Variants in SMG7 observed in about 807,000 individuals in gnomAD.
SMG7 encodes SMG7 nonsense mediated mRNA decay factor.
In SMG7, 34 loss-of-function variants were observed where a neutral mutation model predicts 148.2. That is an observed-to-expected ratio of 0.23 (90% CI 0.17 to 0.31). The LOEUF is 0.31. Ranked by LOEUF, SMG7 falls within the 10% of genes least tolerant of loss-of-function variation. The pLI, the probability that SMG7 is intolerant of heterozygous loss-of-function variation, is 1.00. For synonymous variants in SMG7, 492 were observed against 515.1 expected (o/e 0.96, Z 0.61); for missense variants, 1,114 against 1,408.4 (o/e 0.79, Z 3.35).
intron 1 of SMG7, among the ~76,000 whole-genome samples, chr1:183,484,906 A>G (rs1655053926): frequency 6.6e-6 from 1 of 152,134 alleles, no homozygotes; most frequent in African/African-American, 2.4e-5. Flanking sequence ...GTAATCTGGC[A>G]TACACTGACA....
chr1:183,515,605 CTTTT>C (rs35057958), intron 2 of SMG7, among the ~76,000 whole-genome samples: 1 of 123,220 alleles, frequency 8.1e-6, no homozygotes, highest in Non-Finnish European at 1.8e-5. Context: ...GCAAACCATT[CTTTT>C]TTTTTTTTTT....
At chr1:183,516,050 T>C (rs1436577062) in intron 3 of SMG7, 59 bp downstream of exon 3, 2 of 1,030,500 alleles carry the variant, frequency 1.9e-6, no homozygotes, top group Non-Finnish European at 3.0e-6. Flanking sequence ...ACCGAGACTT[T>C]AAAACAGTTT....
At chr1:183,520,954 G>A (rs1005981865) in intron 4 of SMG7, among the ~76,000 whole-genome samples, 13 of 151,860 alleles carry the variant, frequency 8.6e-5, no homozygotes, top group African/African-American at 2.2e-4. Flanking sequence ...GATTCTCCCC[G>A]ACTGCATTCC....
intron 1 of SMG7, among the ~76,000 whole-genome samples, chr1:183,493,528 A>G (rs1657590862): frequency 6.6e-6 from 1 of 152,196 alleles, no homozygotes; most frequent in Admixed American, 6.5e-5. Context: ...TCTAAATGCC[A>G]GTGGGATCTG....
At chr1:183,500,560 T>C (rs1659499072) in intron 1 of SMG7, among the ~76,000 whole-genome samples, 1 of 152,178 alleles carries the variant, frequency 6.6e-6, no homozygotes, top group South Asian at 2.1e-4. Context: ...TATGCGTAAT[T>C]GAATAGGACA....
chr1:183,510,542 A>G (rs975183046), intron 1 of SMG7, among the ~76,000 whole-genome samples: 1 of 152,084 alleles, frequency 6.6e-6, no homozygotes, highest in African/African-American at 2.4e-5. Flanking sequence ...TTATGTTGCT[A>G]GTTCTTATAG....
intron 4 of SMG7, among the ~76,000 whole-genome samples, chr1:183,523,353 T>C (rs1400872192): frequency 6.6e-6 from 1 of 152,184 alleles, no homozygotes; most frequent in Non-Finnish European, 1.5e-5. Context: ...ACCTCTGTGG[T>C]GCTTAGCTTT....
At chr1:183,535,978 T>C (rs1667704667) in intron 10 of SMG7, among the ~76,000 whole-genome samples, 1 of 152,112 alleles carries the variant, frequency 6.6e-6, no homozygotes, top group South Asian at 2.1e-4. Context: ...TGTATATATT[T>C]GTTGATATTT....
chr1:183,506,515 A>G (rs760114263), intron 1 of SMG7, among the ~76,000 whole-genome samples: 4 of 152,134 alleles, frequency 2.6e-5, no homozygotes, highest in Admixed American at 6.5e-5. Flanking sequence ...TGTCTGGCCA[A>G]TTATTCAGCA....
At chr1:183,519,132 G>T (rs921345728) in intron 4 of SMG7, among the ~76,000 whole-genome samples, 11 of 152,148 alleles carry the variant, frequency 7.2e-5, no homozygotes, top group African/African-American at 2.7e-4. Flanking sequence ...GTTTGAGGCT[G>T]CAGTGAACCG....
chr1:183,532,642 T>TG (rs1456576889), intron 8 of SMG7, among the ~76,000 whole-genome samples: 1 of 152,218 alleles, frequency 6.6e-6, no homozygotes, highest in Non-Finnish European at 1.5e-5. Flanking sequence ...AATATGTACT[T>TG]GCTATGCCTT....
chr1:183,544,526 T>A (rs776225966), intron 15 of SMG7, 29 bp downstream of exon 15: 1 of 1,606,334 alleles, frequency 6.2e-7, no homozygotes, highest in Non-Finnish European at 8.5e-7. Flanking sequence ...TTCTTCTACT[T>A]AATCTTTTCT....
Position 183,472,617 on chromosome 1 carries a change from G to A in SMG7, c.-4G>A, listed in dbSNP as rs1250275075. Reference sequence around the variant, plus strand: ...GCGGGAAGACGCGGCGGCGGCGGCGGAGGATGAGCCTGCAGAGCGCGCAGT... The same window carrying A: ...GCGGGAAGACGCGGCGGCGGCGGCGAAGGATGAGCCTGCAGAGCGCGCAGT... On this transcript the variant is annotated 5_prime_UTR_variant, in exon 1 of 23. Transcript: ENST00000688051. 1.4e-6 allele frequency: 2 copies of A among 1,451,300 alleles called. No individual in the cohort carries two copies. Among genetic ancestry groups the A allele is most frequent in the Admixed American group, 2.3e-5 (1 of 43,834 alleles). The allele number at this position is 1,451,300 out of a possible 1,614,324, so 89.9% of individuals were successfully genotyped here.
chr1:183,548,058 T>C (rs929484124), intron 18 of SMG7, among the ~76,000 whole-genome samples: 1 of 152,156 alleles, frequency 6.6e-6, no homozygotes, highest in Non-Finnish European at 1.5e-5. Flanking sequence ...TGTTTCTTTC[T>C]CATAAACACA....
intron 1 of SMG7, among the ~76,000 whole-genome samples, chr1:183,491,696 TTATC>T (rs1304423065): frequency 1.3e-5 from 2 of 152,312 alleles, no homozygotes; most frequent in East Asian, 3.9e-4. Context: ...TAAGAATTCT[TTATC>T]TATCATGGAT....
chr1:183,510,242 C>T (rs1392546341), intron 1 of SMG7, among the ~76,000 whole-genome samples: 4 of 152,036 alleles, frequency 2.6e-5, no homozygotes, highest in Non-Finnish European at 5.9e-5. Flanking sequence ...ACATAATTAA[C>T]CCTAGCTTTC....
rs776064845 is a variant in SMG7 at position 183,550,933 on chromosome 1, A to T, written c.3304+12A>T. On this transcript the variant is annotated intron_variant, in intron 21 of 22. Coordinates refer to ENST00000688051, the MANE Select transcript of SMG7 (RefSeq NM_001375584.1). ...AACTGATAAGCCAGGTGAGATCTAC[A>T]TTTCATTGCCAGGCAAAATTGAAAG... The T allele has an allele frequency of 1.2e-6, 2 of 1,614,058 alleles. No homozygotes were observed. The highest frequency in any genetic ancestry group is 2.2e-5 in the South Asian group (2 of 91,088).
At chr1:183,525,843 G>T (rs985145699) in intron 4 of SMG7, among the ~76,000 whole-genome samples, 1 of 152,106 alleles carries the variant, frequency 6.6e-6, no homozygotes, top group Admixed American at 6.6e-5. Context: ...ATGTGAATTG[G>T]CATACAGCTT....
chr1:183,538,609 G>A (rs530853121), intron 12 of SMG7, among the ~76,000 whole-genome samples, 169 bp downstream of exon 12: 15 of 152,092 alleles, frequency 9.9e-5, no homozygotes, highest in Non-Finnish European at 1.6e-4. Context: ...TGTATGTCAC[G>A]CCTTCAATTC....
Sources: allele counts gnomAD v4.1 joint callset (sites outside exome capture counted in the v4.1 genomes callset), GRCh38; gene constraint gnomAD v4.1.1; transcripts MANE v1.5; gene names NCBI Gene and HGNC (gene_info 2026-07-23, HGNC 2026-07-21).